Variants in CHSY3 observed in about 807,000 individuals in gnomAD.
CHSY3 encodes N-acetylgalactosaminyl-proteoglycan 3-beta-glucuronosyltransferase 3.
CHSY3 carries 35 observed loss-of-function variants against 67.2 expected under a neutral mutation model. The observed-to-expected ratio is 0.52, with a 90% CI of 0.40 to 0.69. CHSY3 has a LOEUF of 0.69. CHSY3 is among the 30% of genes least tolerant of loss of function. The pLI is 0.00. For missense variants in CHSY3, 1,069 were observed against 1,138.5 expected (o/e 0.94, Z 0.88); for synonymous variants, 474 against 434.7 (o/e 1.09, Z -1.12).
chr5:130,012,428 A>G (rs1331381455), intron 2 of CHSY3, among the ~76,000 whole-genome samples: 1 of 152,258 alleles, frequency 6.6e-6, no homozygotes, highest in African/African-American at 2.4e-5. Flanking sequence ...TCCTTTCACC[A>G]TTGTTTTAGT....
At chr5:130,087,059 C>T (rs1206022474) in intron 2 of CHSY3, among the ~76,000 whole-genome samples, 1 of 152,080 alleles carries the variant, frequency 6.6e-6, no homozygotes. Context: ...AAGGCTGTTT[C>T]AATATATGCA....
chr5:130,110,905 T>TTTTAATTCCTAACAATTAAA (rs1402495538), intron 2 of CHSY3, among the ~76,000 whole-genome samples: 3 of 151,776 alleles, frequency 2.0e-5, no homozygotes, highest in African/African-American at 7.2e-5. Flanking sequence ...GGAATTGAAT[T>TTTTAATTCCTAACAATTAAA]TTGGCTGTGA....
intron 2 of CHSY3, among the ~76,000 whole-genome samples, chr5:130,035,659 G>A (rs1764841085): frequency 6.6e-6 from 1 of 152,090 alleles, no homozygotes; most frequent in African/African-American, 2.4e-5. Context: ...CATGTGAAGG[G>A]TGTAATCATT....
At chr5:130,116,618 G>A (rs1005652698) in intron 2 of CHSY3, among the ~76,000 whole-genome samples, 3 of 152,172 alleles carry the variant, frequency 2.0e-5, no homozygotes, top group Non-Finnish European at 4.4e-5. Context: ...CAAGTGGAGC[G>A]ATTCCTGATT....
intron 2 of CHSY3, chr5:130,001,513 C>A: frequency 1.0e-6 from 1 of 962,462 alleles, no homozygotes; most frequent in Non-Finnish European, 1.2e-6. Flanking sequence ...AGTGAAGGGC[C>A]TGGGATGAGA....
At chr5:130,116,477 T>A (rs938276361) in intron 2 of CHSY3, among the ~76,000 whole-genome samples, 1 of 152,230 alleles carries the variant, frequency 6.6e-6, no homozygotes, top group African/African-American at 2.4e-5. Context: ...ATTAGAAAGA[T>A]TTGTGGGCAG....
chr5:130,082,367 G>A (rs561176388), intron 2 of CHSY3, among the ~76,000 whole-genome samples: 5 of 151,952 alleles, frequency 3.3e-5, no homozygotes, highest in African/African-American at 9.6e-5. Flanking sequence ...TAATACAAGG[G>A]ATTCTGAAAT....
At chr5:130,141,657 A>G in intron 2 of CHSY3, 1 of 527,428 alleles carries the variant, frequency 1.9e-6, no homozygotes, top group Admixed American at 2.0e-5. Flanking sequence ...AAAGCTATGC[A>G]TTCGATATGA....
At chr5:129,960,742 C>T (rs1394604410) in intron 2 of CHSY3, among the ~76,000 whole-genome samples, 1 of 151,528 alleles carries the variant, frequency 6.6e-6, no homozygotes, top group Non-Finnish European at 1.5e-5. Flanking sequence ...TAATGCATGC[C>T]ATTGTTTAAA....
At chr5:130,059,044 T>C (rs1765626141) in intron 2 of CHSY3, among the ~76,000 whole-genome samples, 1 of 152,220 alleles carries the variant, frequency 6.6e-6, no homozygotes, top group South Asian at 2.1e-4. Flanking sequence ...CAGACACTTG[T>C]CTAGATGTGT....
intron 2 of CHSY3, among the ~76,000 whole-genome samples, chr5:130,177,237 A>G (rs150251235): frequency 0.057 from 8,574 of 149,780 alleles, 796 homozygotes; most frequent in African/African-American, 0.19. Flanking sequence ...GTGTGTGTAT[A>G]TATATATATA....
intron 2 of CHSY3, among the ~76,000 whole-genome samples, chr5:130,019,504 T>C (rs1322690707): frequency 6.6e-6 from 1 of 152,194 alleles, no homozygotes; most frequent in Non-Finnish European, 1.5e-5. Context: ...ACTTCCTGTG[T>C]CACCACTTGG....
intron 2 of CHSY3, among the ~76,000 whole-genome samples, chr5:129,945,280 G>A (rs1039347111): frequency 2.6e-5 from 4 of 152,154 alleles, no homozygotes; most frequent in African/African-American, 9.7e-5. Flanking sequence ...TGTGCCTGTT[G>A]GGAGAAAACA....
intron 2 of CHSY3, among the ~76,000 whole-genome samples, chr5:129,940,647 C>T (rs558133270): frequency 5.3e-5 from 8 of 152,022 alleles, no homozygotes; most frequent in African/African-American, 1.4e-4. Flanking sequence ...AAAAATACTG[C>T]AGAGCCTATC....
chr5:130,146,070 A>G (rs929809870), intron 2 of CHSY3, among the ~76,000 whole-genome samples: 2 of 152,182 alleles, frequency 1.3e-5, no homozygotes, highest in African/African-American at 4.8e-5. Context: ...AACTAGAACT[A>G]TCATATGACC....
chr5:130,108,074 AT>A (rs1767469119), intron 2 of CHSY3, among the ~76,000 whole-genome samples: 1 of 151,590 alleles, frequency 6.6e-6, no homozygotes, highest in Non-Finnish European at 1.5e-5. Flanking sequence ...TTTCATATAT[AT>A]TTTTAATTGT....
chr5:129,920,003 A>G (rs977517999), intron 2 of CHSY3, among the ~76,000 whole-genome samples: 1 of 152,154 alleles, frequency 6.6e-6, no homozygotes, highest in African/African-American at 2.4e-5. Flanking sequence ...ACAGTATTCA[A>G]TTATTAACCA....
At chr5:130,085,243 A>C (rs1364802018) in intron 2 of CHSY3, among the ~76,000 whole-genome samples, 2 of 152,064 alleles carry the variant, frequency 1.3e-5, no homozygotes, top group Non-Finnish European at 2.9e-5. Context: ...AAAAACTAAA[A>C]TTTGTAAAAC....
chr5:130,171,209 C>T (rs1240519734), intron 2 of CHSY3, among the ~76,000 whole-genome samples: 1 of 152,062 alleles, frequency 6.6e-6, no homozygotes, highest in East Asian at 1.9e-4. Flanking sequence ...AATCATCTAG[C>T]GTTATCTTAA....
Sources: gnomAD v4.1 joint callset for allele counts (sites outside exome capture counted in the v4.1 genomes callset) on GRCh38, gnomAD v4.1.1 for gene constraint, MANE v1.5 for transcripts, NCBI Gene and HGNC (gene_info 2026-07-23, HGNC 2026-07-21) for gene names.